Variants in PUM1 observed in about 807,000 individuals in gnomAD.
PUM1 encodes the protein pumilio RNA binding family member 1.
PUM1 carries 13 observed loss-of-function variants against 131.8 expected under a neutral mutation model. That is an observed-to-expected ratio of 0.10 (90% CI 0.06 to 0.16). PUM1 has a LOEUF of 0.16. Among genes scored for constraint, PUM1 ranks in the 10% least tolerant of loss-of-function variants. PUM1 has a pLI of 1.00. For synonymous variants in PUM1, 509 were observed against 556.5 expected, an observed-to-expected ratio of 0.91 and a Z score of 1.20; for missense variants, 961 against 1,512.4, an observed-to-expected ratio of 0.64 and a Z score of 6.05.
chr1:31,055,951 A>T (rs961400955), intron 2 of PUM1, among the ~76,000 whole-genome samples: 3 of 152,196 alleles, frequency 2.0e-5, no homozygotes, highest in African/African-American at 7.2e-5. Context: ...TACAGATTTT[A>T]AAAAACCAAT....
Position 30,946,467 on chromosome 1 carries a change from T to A in PUM1, c.2857-984A>T, listed in dbSNP as rs182761629. 1.2e-4 allele frequency among the ~76,000 whole-genome samples: 18 copies of A among 151,536 alleles called. No homozygotes were observed. In the East Asian group the frequency reaches 3.1e-3, roughly 26 times the overall value. The stretch of plus-strand genomic sequence containing the variant: ...GCCTAGCCAAGATGGTGAAACCCCA[T>A]CTCTACTAAAAATACAAAAATTAGC... On this transcript the variant is annotated intron_variant, in intron 17 of 21. Transcript: ENST00000426105.
intron 3 of PUM1, 85 bp downstream of exon 3, chr1:31,028,711 A>C (rs1643307809): frequency 3.7e-6 from 4 of 1,078,280 alleles, no homozygotes. Context: ...ATTTCTGGAG[A>C]CTAGATTTGG....
At chr1:31,016,997 G>A (rs1020174374) in intron 3 of PUM1, among the ~76,000 whole-genome samples, 4 of 152,124 alleles carry the variant, frequency 2.6e-5, no homozygotes, top group Non-Finnish European at 4.4e-5. Context: ...CAAGGAGATC[G>A]CAGAGTATAG....
At chr1:30,933,428 TCACACA>T in intron 21 of PUM1, 86 bp from the exon 22 acceptor site, 8 of 950,312 alleles carry the variant, frequency 8.4e-6, no homozygotes, top group Admixed American at 2.0e-5. Context: ...ATGTCATGCA[TCACACA>T]CACATACACA....
intron 2 of PUM1, among the ~76,000 whole-genome samples, chr1:31,052,795 C>T (rs1644143624): frequency 6.6e-6 from 1 of 151,330 alleles, no homozygotes; most frequent in Non-Finnish European, 1.5e-5. Context: ...GCCCTGCTTC[C>T]CGGGTTAGAG....
chr1:31,062,281 T>C (rs1205087209), intron 1 of PUM1, among the ~76,000 whole-genome samples: 1 of 152,148 alleles, frequency 6.6e-6, no homozygotes, highest in Admixed American at 6.5e-5. Flanking sequence ...AAAAACTGCA[T>C]CTGTACTTAA....
intron 5 of PUM1, among the ~76,000 whole-genome samples, chr1:31,005,139 T>C (rs1642354184): frequency 1.3e-5 from 2 of 152,114 alleles, no homozygotes; most frequent in Non-Finnish European, 2.9e-5. Flanking sequence ...AGAAAGTTAA[T>C]GATAAAGAAA....
intron 3 of PUM1, among the ~76,000 whole-genome samples, chr1:31,013,136 T>C (rs892150332): frequency 3.3e-4 from 51 of 152,304 alleles, no homozygotes; most frequent in African/African-American, 1.1e-3. Context: ...ACAGTGATCA[T>C]GGCATCACCT....
intron 2 of PUM1, among the ~76,000 whole-genome samples, chr1:31,057,260 G>C (rs1016800928): frequency 6.6e-6 from 1 of 151,802 alleles, no homozygotes; most frequent in African/African-American, 2.4e-5. Flanking sequence ...AAAAGTAGCC[G>C]GGTGTAGTGT....
intron 1 of PUM1, among the ~76,000 whole-genome samples, chr1:31,061,498 C>G (rs1176807898): frequency 6.6e-6 from 1 of 151,940 alleles, no homozygotes; most frequent in Non-Finnish European, 1.5e-5. Context: ...CGCCTGTAAT[C>G]CCAGCTACTT....
At chr1:30,974,552 T>C (rs1484231540) in intron 10 of PUM1, 99 bp downstream of exon 10, 5 of 1,162,098 alleles carry the variant, frequency 4.3e-6, no homozygotes, top group South Asian at 1.6e-5. Context: ...AGGAAATTCA[T>C]GCATTCACAG....
At chr1:30,935,176 A>G (rs371143293) in intron 21 of PUM1, among the ~76,000 whole-genome samples, 1 of 152,158 alleles carries the variant, frequency 6.6e-6, no homozygotes, top group East Asian at 1.9e-4. Flanking sequence ...AATTATTTGA[A>G]ATATACGTGT....
chr1:30,996,168 C>T (rs902486998), intron 5 of PUM1, among the ~76,000 whole-genome samples: 10 of 152,174 alleles, frequency 6.6e-5, no homozygotes, highest in African/African-American at 1.9e-4. Context: ...AAGGGTTTAA[C>T]CCTTTGTTCT....
At chr1:31,034,755 C>T (rs769247082) in intron 2 of PUM1, among the ~76,000 whole-genome samples, 4 of 152,172 alleles carry the variant, frequency 2.6e-5, no homozygotes, top group Non-Finnish European at 4.4e-5. Context: ...ATTATTTCCT[C>T]ATAAAGATAG....
chr1:31,047,841 C>T (rs1162003651), intron 2 of PUM1, among the ~76,000 whole-genome samples: 3 of 152,178 alleles, frequency 2.0e-5, no homozygotes, highest in Non-Finnish European at 4.4e-5. Context: ...ACTGGGGAGG[C>T]TGAGGCATTG....
chr1:31,014,004 A>G (rs1175234012), intron 3 of PUM1, among the ~76,000 whole-genome samples: 2 of 152,144 alleles, frequency 1.3e-5, no homozygotes, highest in Non-Finnish European at 2.9e-5. Context: ...GAAACTACAT[A>G]CGTATCAAAA....
intron 2 of PUM1, among the ~76,000 whole-genome samples, chr1:31,030,636 G>T (rs780051290): frequency 6.6e-6 from 1 of 152,068 alleles, no homozygotes; most frequent in East Asian, 1.9e-4. Flanking sequence ...GCCTGCACCC[G>T]GGCAGTCGAG....
At chr1:30,974,599 T>C in intron 10 of PUM1, 52 bp downstream of exon 10, 1 of 1,504,874 alleles carries the variant, frequency 6.6e-7, no homozygotes, top group Non-Finnish European at 9.0e-7. Flanking sequence ...CTATTAATTA[T>C]CCACAATACT....
intron 6 of PUM1, among the ~76,000 whole-genome samples, chr1:30,993,343 A>T (rs753982048): frequency 5.8e-4 from 43 of 73,692 alleles, no homozygotes; most frequent in Admixed American, 9.4e-4. Context: ...CCTAAGATTT[A>T]AAAAAAAAAA....
Sources: gnomAD v4.1 joint callset for allele counts (sites outside exome capture counted in the v4.1 genomes callset) on GRCh38, gnomAD v4.1.1 for gene constraint, MANE v1.5 for transcripts, NCBI Gene and HGNC (gene_info 2026-07-23, HGNC 2026-07-21) for gene names.